Variants in CAPRIN2 observed in about 807,000 individuals in gnomAD.
The protein encoded by CAPRIN2 is caprin-2.
Under a neutral mutation model 130.4 loss-of-function variants are expected in CAPRIN2, and 66 were observed. The ratio of observed to expected loss-of-function variants is 0.51; its 90% CI spans 0.42 to 0.62. The LOEUF (loss-of-function observed/expected upper bound fraction) is 0.62. Among genes scored for constraint, CAPRIN2 ranks in the 20% least tolerant of loss-of-function variants. The pLI is 0.00. For missense variants in CAPRIN2, 1,185 were observed against 1,246.6 expected, an observed-to-expected ratio of 0.95 and a Z score of 0.74; for synonymous variants, 471 against 444.1, an observed-to-expected ratio of 1.06 and a Z score of -0.76.
intron 12 of CAPRIN2, among the ~76,000 whole-genome samples, chr12:30,716,905 C>G (rs1055698206): frequency 6.6e-6 from 1 of 152,036 alleles, no homozygotes; most frequent in African/African-American, 2.4e-5. Flanking sequence ...AATTTTATAC[C>G]CATTAGCAGG....
chr12:30,727,005 G>C (rs1012244431), intron 8 of CAPRIN2, among the ~76,000 whole-genome samples: 8 of 152,066 alleles, frequency 5.3e-5, no homozygotes, highest in African/African-American at 1.9e-4. Flanking sequence ...TCAATATAAC[G>C]CTATCTGTCC....
At chr12:30,731,280 G>A (rs1172049400) in intron 6 of CAPRIN2, 63 bp downstream of exon 7, 47 of 1,278,260 alleles carry the variant, frequency 3.7e-5, no homozygotes, top group Non-Finnish European at 4.0e-5. Flanking sequence ...TGCACAATAC[G>A]TGACTCATTT....
At chr12:30,738,731 T>C (rs2065976962) in intron 3 of CAPRIN2, among the ~76,000 whole-genome samples, 1 of 152,016 alleles carries the variant, frequency 6.6e-6, no homozygotes, top group Non-Finnish European at 1.5e-5. Flanking sequence ...CATTAAAAAA[T>C]GGGCAAAGGA....
chr12:30,731,258 T>C, intron 6 of CAPRIN2, 85 bp downstream of exon 7: 1 of 994,470 alleles, frequency 1.0e-6, no homozygotes, highest in East Asian at 2.5e-5. Context: ...CAAATTAAAA[T>C]AAGGCAATCA....
At chr12:30,746,890 T>A (rs992353799) in intron 2 of CAPRIN2, among the ~76,000 whole-genome samples, 1 of 152,238 alleles carries the variant, frequency 6.6e-6, no homozygotes, top group Non-Finnish European at 1.5e-5. Context: ...TGGAGCTGGC[T>A]ACACTAAACA....
chr12:30,718,228 T>A (rs1389879787), intron 12 of CAPRIN2, among the ~76,000 whole-genome samples: 1 of 152,182 alleles, frequency 6.6e-6, no homozygotes, highest in Non-Finnish European at 1.5e-5. Context: ...GTAAAACCAA[T>A]GTGGCTATAC....
chr12:30,717,220 G>A (rs2057888174), intron 12 of CAPRIN2, among the ~76,000 whole-genome samples: 1 of 152,122 alleles, frequency 6.6e-6, no homozygotes, highest in Admixed American at 6.5e-5. Context: ...GCGAAATGAA[G>A]TACATACATA....
chr12:30,747,795 T>C (rs1237355174), intron 2 of CAPRIN2, among the ~76,000 whole-genome samples: 3 of 152,190 alleles, frequency 2.0e-5, no homozygotes, highest in Non-Finnish European at 1.5e-5. Context: ...ATTCCCTACA[T>C]TCTAGATGTC....
chr12:30,748,225 G>A (rs2071712743), intron 2 of CAPRIN2, among the ~76,000 whole-genome samples: 1 of 152,156 alleles, frequency 6.6e-6, no homozygotes, highest in African/African-American at 2.4e-5. Flanking sequence ...CTATCTAACA[G>A]CATCACATAC....
intron 1 of CAPRIN2, chr12:30,751,374 C>T (rs7952744): frequency 0.46 from 219,374 of 476,698 alleles, 51,677 homozygotes; most frequent in Non-Finnish European, 0.49. Context: ...ACTATTTTCT[C>T]TTAATGACTC....
intron 6 of CAPRIN2, among the ~76,000 whole-genome samples, chr12:30,731,131 A>C (rs965954161): frequency 1.3e-5 from 2 of 152,214 alleles, no homozygotes; most frequent in Non-Finnish European, 2.9e-5. Flanking sequence ...GACAAAGTAC[A>C]AATTAATATT....
intron 12 of CAPRIN2, chr12:30,719,923 T>A (rs924851251): frequency 6.6e-6 from 1 of 152,194 alleles, no homozygotes; most frequent in African/African-American, 2.4e-5. Context: ...TATTCTATAA[T>A]GAATACATAT....
At chr12:30,749,717 G>A (rs775302868) in intron 2 of CAPRIN2, among the ~76,000 whole-genome samples, 11 of 152,120 alleles carry the variant, frequency 7.2e-5, no homozygotes, top group Admixed American at 2.0e-4. Context: ...ATGAAGTGTC[G>A]GATAGGCAAC....
At chr12:30,750,535 C>G (rs894639144) in intron 2 of CAPRIN2, among the ~76,000 whole-genome samples, 3 of 143,824 alleles carry the variant, frequency 2.1e-5, no homozygotes. Flanking sequence ...TTATAGTAAG[C>G]TTTTTTTTTT....
rs552771220 is a variant in CAPRIN2 at position 30,751,166 on chromosome 12, T to C, written c.421-33A>G. The C allele has an allele frequency of 1.4e-4, 225 of 1,560,364 alleles. 2 individuals carry two copies. The South Asian group carries it at 2.3e-3, about 16-fold the overall frequency. The stretch of plus-strand genomic sequence containing the variant: ...AGAGAAACTTGTATCTACCATAGTC[T>C]GACATAAAATTCAGAAGCAAATAAA... On this transcript the variant is annotated intron_variant, in intron 1 of 16. Transcript: ENST00000298892.
At chr12:30,745,023 A>C (rs2069312483) in intron 2 of CAPRIN2, among the ~76,000 whole-genome samples, 1 of 152,262 alleles carries the variant, frequency 6.6e-6, no homozygotes, top group African/African-American at 2.4e-5. Context: ...GATATCAACT[A>C]GGAAGCGTAT....
chr12:30,734,886 A>ACT (rs878972704), intron 4 of CAPRIN2, 82 bp downstream of exon 5: 10,102 of 559,786 alleles, frequency 0.018, 291 homozygotes, highest in Non-Finnish European at 0.018. Flanking sequence ...ACACACACAC[A>ACT]CTCTCTCTCT....
At chr12:30,717,796 G>A (rs757733715) in intron 12 of CAPRIN2, among the ~76,000 whole-genome samples, 3 of 151,996 alleles carry the variant, frequency 2.0e-5, no homozygotes, top group East Asian at 1.9e-4. Flanking sequence ...GGCAAGCAAC[G>A]ATCTGTCCTT....
At chr12:30,742,540 A>G (rs1367469559) in intron 2 of CAPRIN2, among the ~76,000 whole-genome samples, 2 of 152,182 alleles carry the variant, frequency 1.3e-5, no homozygotes, top group Non-Finnish European at 2.9e-5. Flanking sequence ...TTCAGACACT[A>G]AAACTAAGTA....
Sources: allele counts gnomAD v4.1 joint callset (sites outside exome capture counted in the v4.1 genomes callset), GRCh38; gene constraint gnomAD v4.1.1; transcripts MANE v1.5; gene names NCBI Gene and HGNC (gene_info 2026-07-23, HGNC 2026-07-21).